The following KDM4B variants were observed in gnomAD, a reference collection of about 807,000 sequenced individuals.
KDM4B encodes the protein lysine demethylase 4B, also known as lysine-specific demethylase 4B.
Under a neutral mutation model 125.2 loss-of-function variants are expected in KDM4B, and 32 were observed. The ratio of observed to expected loss-of-function variants is 0.26; its 90% confidence interval spans 0.19 to 0.34. KDM4B has a LOEUF of 0.34. Among genes scored for constraint, KDM4B ranks in the 10% least tolerant of loss-of-function variants. The pLI is 1.00. For synonymous variants in KDM4B, 721 were observed against 677.9 expected, an observed-to-expected ratio of 1.06 and a Z score of -0.99; for missense variants, 1,190 against 1,577.7, an observed-to-expected ratio of 0.75 and a Z score of 4.16.
rs1185667205 is a variant in KDM4B at position 5,014,467 on chromosome 19, G to A, written c.-108-1790G>A. 3.9e-5 allele frequency among the ~76,000 whole-genome samples: 6 copies of A among 152,016 alleles called. No homozygotes were observed. The East Asian group carries it at 9.8e-4, about 25-fold the overall frequency. ...AATTTTTTGTATTTTTAGTAGAGAC[G>A]GGGTTTCACTGTGTTAGCCAGGATG... On this transcript the variant is annotated intron_variant, in intron 1 of 22. Transcript: ENST00000159111.
At chr19:5,097,557 C>A (rs1054199661) in intron 9 of KDM4B, among the ~76,000 whole-genome samples, 2 of 152,196 alleles carry the variant, frequency 1.3e-5, no homozygotes, top group Non-Finnish European at 2.9e-5. Flanking sequence ...CTGGCCTGTG[C>A]AGGCCTTGGT....
chr19:5,111,610 C>G, intron 10 of KDM4B: 1 of 716,514 alleles, frequency 1.4e-6, no homozygotes, highest in South Asian at 1.5e-5. Flanking sequence ...CTGAGCTGCC[C>G]TTGGCACAGT....
At chr19:5,033,364 A>T (rs2036519626) in intron 3 of KDM4B, among the ~76,000 whole-genome samples, 1 of 152,078 alleles carries the variant, frequency 6.6e-6, no homozygotes, top group African/African-American at 2.4e-5. Flanking sequence ...CGTCTCACTG[A>T]GGGACGCCTT....
At chr19:5,096,635 G>T (rs539382861) in intron 9 of KDM4B, among the ~76,000 whole-genome samples, 4 of 150,120 alleles carry the variant, frequency 2.7e-5, no homozygotes, top group Non-Finnish European at 3.0e-5. Flanking sequence ...TCGGTGGTGC[G>T]TGTTGCCATG....
chr19:5,015,350 C>G (rs1268408131), intron 1 of KDM4B, among the ~76,000 whole-genome samples: 3 of 151,990 alleles, frequency 2.0e-5, no homozygotes, highest in African/African-American at 7.2e-5. Context: ...CTCCCAGGTT[C>G]AAGTGATTCT....
chr19:5,071,374 G>T (rs1179645080), intron 7 of KDM4B, among the ~76,000 whole-genome samples: 1 of 152,252 alleles, frequency 6.6e-6, no homozygotes, highest in African/African-American at 2.4e-5. Context: ...AGGGAGGGCA[G>T]CCTGTGTTCA....
chr19:5,074,093 G>C, intron 7 of KDM4B: 1 of 153,264 alleles, frequency 6.5e-6, no homozygotes, highest in Non-Finnish European at 1.5e-5. Context: ...GGGTGACAGA[G>C]TGAGACCCTA....
intron 1 of KDM4B, among the ~76,000 whole-genome samples, chr19:5,003,883 G>A (rs972492974): frequency 7.9e-5 from 12 of 152,134 alleles, no homozygotes; most frequent in Non-Finnish European, 1.8e-4. Flanking sequence ...GTATATGCCT[G>A]AGTCTGTGTT....
intron 3 of KDM4B, 75 bp from the exon 4 acceptor site, chr19:5,039,761 C>CATTAAAAAA: frequency 6.7e-7 from 1 of 1,497,682 alleles, no homozygotes; most frequent in Admixed American, 1.8e-5. Context: ...CTCTGGGGAG[C>CATTAAAAAA]CGGTGGCACA....
intron 1 of KDM4B, among the ~76,000 whole-genome samples, chr19:4,986,142 T>G (rs966327669): frequency 6.6e-6 from 1 of 152,156 alleles, no homozygotes; most frequent in Non-Finnish European, 1.5e-5. Context: ...TGACCTGCCG[T>G]GGGGGCTGTG....
intron 10 of KDM4B, chr19:5,112,940 T>C (rs961326736): frequency 2.0e-5 from 3 of 152,406 alleles, no homozygotes. Flanking sequence ...TAATGGTTAA[T>C]TGATTGTGGC....
At chr19:4,999,974 C>T (rs1328735233) in intron 1 of KDM4B, among the ~76,000 whole-genome samples, 1 of 144,254 alleles carries the variant, frequency 6.9e-6, no homozygotes, top group South Asian at 2.3e-4. Flanking sequence ...CTCACCTATC[C>T]ATCTATCCCC....
intron 6 of KDM4B, among the ~76,000 whole-genome samples, chr19:5,057,089 A>G (rs1454937658): frequency 6.7e-6 from 1 of 148,296 alleles, no homozygotes; most frequent in African/African-American, 2.6e-5. Context: ...TATGTTAGCA[A>G]ATGACTCTCC....
intron 11 of KDM4B, among the ~76,000 whole-genome samples, chr19:5,125,804 T>C (rs2039439076): frequency 8.5e-6 from 1 of 118,278 alleles, no homozygotes; most frequent in African/African-American, 3.3e-5. Flanking sequence ...GACACCCTTA[T>C]CTCTGTTCCA....
chr19:5,109,078 C>T (rs1461183775), intron 9 of KDM4B, among the ~76,000 whole-genome samples: 2 of 152,254 alleles, frequency 1.3e-5, no homozygotes, highest in Non-Finnish European at 2.9e-5. Context: ...GACACACAGC[C>T]ATGCGCATGC....
rs550989151 is a variant in KDM4B, at chr19:5,082,604, G to A, written c.918+100G>A. The A allele has an allele frequency of 1.3e-5, 17 of 1,344,510 alleles. No individual in the cohort carries two copies. The African/African-American group carries it at 1.8e-4, about 14-fold the overall frequency. 83.3% of individuals were successfully genotyped at this position (1,344,510 alleles called of 1,614,324 possible). On this transcript the variant is annotated intron_variant, in intron 9 of 22. Coordinates refer to ENST00000159111, the MANE Select transcript of KDM4B (RefSeq NM_015015.3). The surrounding 1 kb of genome is among the most constrained non-coding windows in gnomAD (Gnocchi z 5.4). ...CCATAGCTGGTCCAGCAGCCGTTTC[G>A]CTCAGCCCAGGGCCTGGGCTCTCAA...
chr19:5,031,635 G>A (rs2036462583), intron 2 of KDM4B, among the ~76,000 whole-genome samples: 1 of 152,240 alleles, frequency 6.6e-6, no homozygotes, highest in Admixed American at 6.5e-5. Context: ...GCTGCAGGCA[G>A]GGTATGGGGT....
chr19:5,106,483 C>G (rs779035489), intron 9 of KDM4B, among the ~76,000 whole-genome samples: 3 of 152,190 alleles, frequency 2.0e-5, no homozygotes, highest in African/African-American at 7.2e-5. Context: ...TCCATGCTCA[C>G]TGGGGGCCGA....
In KDM4B at chr19:5,035,897, C is replaced by G. The variant is rs1193974419; in HGVS notation, c.141+2866C>G. On this transcript the variant is annotated intron_variant, in intron 3 of 22. Transcript: ENST00000159111. This position sits in a 1 kb window ranked among gnomAD's most constrained non-coding sequence, Gnocchi z 5.3. ...TGTGTGTGTGCGCGCGCGCGCGCGCCTGCGCGCACAGGAGACTGAGGTGGG... is the reference window on the plus strand; with the variant it reads ...TGTGTGTGTGCGCGCGCGCGCGCGCGTGCGCGCACAGGAGACTGAGGTGGG... Among the ~76,000 whole-genome samples, 9 of 67,584 alleles carry G rather than the reference C, an allele frequency of 1.3e-4. No individual in the cohort carries two copies. Among genetic ancestry groups the G allele is most frequent in the African/African-American group, 3.8e-4 (9 of 23,564 alleles). The allele number at this position is 67,584 out of a possible 152,430, so 44.3% of individuals were successfully genotyped here.
Sources: gnomAD v4.1 joint callset for allele counts (sites outside exome capture counted in the v4.1 genomes callset) on GRCh38, gnomAD v4.1.1 for gene constraint, Gnocchi (gnomAD v3.1) non-coding constraint, MANE v1.5 for transcripts, NCBI Gene and HGNC (gene_info 2026-07-23, HGNC 2026-07-21) for gene names.